Variants in LAMA3 observed in about 807,000 individuals in gnomAD.
LAMA3 encodes laminin subunit alpha-3.
In LAMA3, 281 loss-of-function variants were observed where a neutral mutation model predicts 402.0. That is an observed-to-expected ratio of 0.70 (90% CI 0.63 to 0.77). The LOEUF (loss-of-function observed/expected upper bound fraction) is 0.77, where lower values mean the gene tolerates loss of function less well. Among genes scored for constraint, LAMA3 ranks in the 30% least tolerant of loss-of-function variants. LAMA3 has a pLI of 0.00. For missense variants in LAMA3, 3,840 were observed against 4,215.5 expected, an observed-to-expected ratio of 0.91 and a Z score of 2.47; for synonymous variants, 1,431 against 1,558.4, an observed-to-expected ratio of 0.92 and a Z score of 1.93.
At chr18:23,751,199 G>A in intron 5 of LAMA3, 111 bp downstream of exon 5, 1 of 1,019,282 alleles carries the variant, frequency 9.8e-7, no homozygotes, top group Non-Finnish European at 1.5e-6. Context: ...AATGATGTAG[G>A]TGTGGGAGTT....
In LAMA3 at chr18:23,842,491, G is replaced by T. The variant is rs2063723840; in HGVS notation, c.3433G>T (p.Val1145Leu). 1.2e-6 allele frequency: 2 copies of T among 1,614,124 alleles called. No individual in the cohort carries two copies. The highest frequency in any genetic ancestry group is 1.7e-6 in the Non-Finnish European group (2 of 1,180,052). The change falls in exon 28 of 75, where the codon GTG becomes TTG. Residue 1145 changes from valine (V) to leucine (L), a missense_variant. By Grantham distance (32) the Val-to-Leu change is conservative (BLOSUM62 1). Transcript: ENST00000313654. ...QAAHPTFPAQVSVDGGWPRAG... is the reference protein window; with the variant it reads ...QAAHPTFPAQLSVDGGWPRAG... ...AGCGCACCCGACGTTTCCCGCGCAG[G>T]TGTCGGTGGATGGCGGGTGGCCACG...
chr18:23,783,165 T>C (rs1386527390), intron 11 of LAMA3, among the ~76,000 whole-genome samples: 2 of 152,100 alleles, frequency 1.3e-5, no homozygotes, highest in African/African-American at 4.8e-5. Context: ...GTCCCTCCCA[T>C]GGTGGTCTCA....
chr18:23,829,463 G>A (rs917979063), intron 23 of LAMA3, among the ~76,000 whole-genome samples: 2 of 152,076 alleles, frequency 1.3e-5, no homozygotes, highest in African/African-American at 2.4e-5. Flanking sequence ...GCTGTCCACT[G>A]GATCCTTAGC....
intron 54 of LAMA3, 68 bp from the exon 55 acceptor site, chr18:23,909,085 A>G: frequency 6.8e-7 from 1 of 1,460,988 alleles, no homozygotes; most frequent in Non-Finnish European, 9.6e-7. Context: ...TACTGTCAGT[A>G]AGAACATTTG....
At chr18:23,831,859 A>C (rs1313754909) in intron 23 of LAMA3, among the ~76,000 whole-genome samples, 2 of 152,230 alleles carry the variant, frequency 1.3e-5, no homozygotes, top group Non-Finnish European at 2.9e-5. Context: ...AACACTAATA[A>C]CTAGTGGAGG....
At chr18:23,885,901 C>G (rs527647642) in intron 41 of LAMA3, among the ~76,000 whole-genome samples, 33 of 152,114 alleles carry the variant, frequency 2.2e-4, no homozygotes, top group Non-Finnish European at 3.4e-4. Flanking sequence ...CTGTTTGTTC[C>G]TACAAATCAT....
At chr18:23,751,557 C>T (rs2061753136) in intron 5 of LAMA3, among the ~76,000 whole-genome samples, 2 of 152,206 alleles carry the variant, frequency 1.3e-5, no homozygotes, top group South Asian at 4.1e-4. Flanking sequence ...TCTTGGTCCT[C>T]AGATGAGGGA....
chr18:23,930,620 C>T (rs528903690), intron 64 of LAMA3, among the ~76,000 whole-genome samples: 10 of 152,048 alleles, frequency 6.6e-5, no homozygotes, highest in Non-Finnish European at 1.0e-4. Flanking sequence ...TGGTGGTGTG[C>T]GCCTGTGGTC....
At chr18:23,701,100 A>C (rs1047981099) in intron 1 of LAMA3, among the ~76,000 whole-genome samples, 2 of 152,242 alleles carry the variant, frequency 1.3e-5, no homozygotes, top group Non-Finnish European at 2.9e-5. Flanking sequence ...TGAGGTGCGG[A>C]GATTAGGAGA....
intron 12 of LAMA3, among the ~76,000 whole-genome samples, chr18:23,797,034 T>C (rs2062776411): frequency 6.6e-6 from 1 of 152,160 alleles, no homozygotes; most frequent in Non-Finnish European, 1.5e-5. Flanking sequence ...CTCTGTGGTC[T>C]AAAGTCGTGG....
intron 40 of LAMA3, among the ~76,000 whole-genome samples, chr18:23,882,910 T>C (rs1469608321): frequency 2.6e-5 from 4 of 152,056 alleles, no homozygotes; most frequent in Admixed American, 6.5e-5. Context: ...TAACTGGAGA[T>C]AGAGATGACA....
At chr18:23,727,763 T>A (rs1170562997) in intron 2 of LAMA3, among the ~76,000 whole-genome samples, 3 of 152,172 alleles carry the variant, frequency 2.0e-5, no homozygotes, top group African/African-American at 7.2e-5. Context: ...AGGACCTTGC[T>A]CTGTCGCCCA....
intron 38 of LAMA3, among the ~76,000 whole-genome samples, chr18:23,874,187 A>G (rs2064627714): frequency 1.3e-5 from 2 of 152,212 alleles, no homozygotes; most frequent in Admixed American, 6.5e-5. Flanking sequence ...GTCATAAACT[A>G]ACCAGATCTA....
At chr18:23,809,139 A>G (rs144098581) in intron 12 of LAMA3, among the ~76,000 whole-genome samples, 39 of 152,328 alleles carry the variant, frequency 2.6e-4, no homozygotes, top group Admixed American at 6.5e-4. Context: ...CTTCCTGAGC[A>G]TTTCGGCTGT....
At chr18:23,892,021 C>T (rs865907913) in intron 42 of LAMA3, among the ~76,000 whole-genome samples, 2 of 152,110 alleles carry the variant, frequency 1.3e-5, no homozygotes, top group African/African-American at 4.8e-5. Flanking sequence ...GTTAGGCTGG[C>T]GTGTGGGAAA....
intron 12 of LAMA3, among the ~76,000 whole-genome samples, chr18:23,799,228 C>T (rs577893865): frequency 1.3e-5 from 2 of 152,152 alleles, no homozygotes; most frequent in East Asian, 1.9e-4. Context: ...AGTAAGTTTC[C>T]TAAAGCAGAA....
At chr18:23,940,939 C>T (rs1451817008) in intron 68 of LAMA3, among the ~76,000 whole-genome samples, 11 of 133,234 alleles carry the variant, frequency 8.3e-5, no homozygotes, top group Non-Finnish European at 9.4e-5. Context: ...TCTTTCTTTT[C>T]TTTTTTTTTT....
At chr18:23,761,955 G>C (rs2061978074) in intron 7 of LAMA3, among the ~76,000 whole-genome samples, 1 of 152,202 alleles carries the variant, frequency 6.6e-6, no homozygotes, top group Non-Finnish European at 1.5e-5. Context: ...GGTGGCTCAT[G>C]CCTGTAATCC....
chr18:23,840,019 G>C, intron 27 of LAMA3, 90 bp downstream of exon 27: 3 of 1,391,414 alleles, frequency 2.2e-6, no homozygotes, highest in Non-Finnish European at 3.0e-6. Flanking sequence ...CAGCAATGCA[G>C]ATTCACAGAC....
Sources: allele counts gnomAD v4.1 joint callset (sites outside exome capture counted in the v4.1 genomes callset), GRCh38; gene constraint gnomAD v4.1.1; transcripts MANE v1.5; gene names NCBI Gene and HGNC (gene_info 2026-07-23, HGNC 2026-07-21).